The following SAMD4A variants were observed in gnomAD, a reference collection of about 807,000 sequenced individuals.
The protein encoded by SAMD4A is sterile alpha motif domain containing 4A, also known as protein Smaug homolog 1.
A neutral mutation model predicts 81.3 loss-of-function variants in SAMD4A; 33 were observed. The ratio of observed to expected loss-of-function variants is 0.41; its 90% CI spans 0.31 to 0.54. SAMD4A has a LOEUF of 0.54. Among genes scored for constraint, SAMD4A ranks in the 20% least tolerant of loss-of-function variants. SAMD4A has a pLI of 0.37. For missense variants in SAMD4A, 854 were observed against 951.1 expected (o/e 0.90, Z 1.34); for synonymous variants, 389 against 382.1 (o/e 1.02, Z -0.21).
intron 2 of SAMD4A, among the ~76,000 whole-genome samples, chr14:54,627,677 T>A (rs1187070507): frequency 6.6e-6 from 1 of 152,188 alleles, no homozygotes; most frequent in Non-Finnish European, 1.5e-5. Flanking sequence ...GTTTTTTACA[T>A]CCTTCCTTGC....
At chr14:54,604,769 A>G (rs2034154707) in intron 2 of SAMD4A, among the ~76,000 whole-genome samples, 1 of 152,222 alleles carries the variant, frequency 6.6e-6, no homozygotes, top group Non-Finnish European at 1.5e-5. Context: ...TCATACATAC[A>G]AAAGAGTATA....
intron 2 of SAMD4A, among the ~76,000 whole-genome samples, chr14:54,594,121 G>A (rs896446203): frequency 2.0e-5 from 3 of 152,026 alleles, no homozygotes; most frequent in Admixed American, 6.6e-5. Context: ...TTATAATAGA[G>A]GTAGATAACA....
intron 3 of SAMD4A, among the ~76,000 whole-genome samples, chr14:54,712,679 G>T (rs570770428): frequency 4.2e-4 from 64 of 152,274 alleles, no homozygotes; most frequent in African/African-American, 1.5e-3. Flanking sequence ...TGTAGTGGGC[G>T]AGAAGCCTGC....
intron 5 of SAMD4A, among the ~76,000 whole-genome samples, chr14:54,750,658 A>G (rs2038080330): frequency 6.6e-6 from 1 of 152,136 alleles, no homozygotes; most frequent in Non-Finnish European, 1.5e-5. Context: ...GTTTTATGAC[A>G]CTCCATGTGG....
intron 4 of SAMD4A, among the ~76,000 whole-genome samples, chr14:54,739,742 G>T (rs754703624): frequency 1.3e-5 from 2 of 152,192 alleles, no homozygotes; most frequent in African/African-American, 2.4e-5. Flanking sequence ...TCCGCCACCA[G>T]ATGTTATTCA....
intron 3 of SAMD4A, among the ~76,000 whole-genome samples, chr14:54,714,646 T>C: frequency 6.6e-6 from 1 of 152,094 alleles, no homozygotes. Flanking sequence ...TAAGTGAAGA[T>C]GAGTTAAGAG....
At chr14:54,578,946 C>T (rs2033387010) in intron 2 of SAMD4A, among the ~76,000 whole-genome samples, 1 of 152,060 alleles carries the variant, frequency 6.6e-6, no homozygotes, top group African/African-American at 2.4e-5. Flanking sequence ...TTTTGGGTCA[C>T]CCAAAAGCAG....
At chr14:54,591,747 A>T (rs889813288) in intron 2 of SAMD4A, among the ~76,000 whole-genome samples, 11 of 152,174 alleles carry the variant, frequency 7.2e-5, no homozygotes, top group African/African-American at 1.2e-4. Flanking sequence ...TTGTATCATT[A>T]TAAGTTCTTT....
chr14:54,641,520 A>T (rs1004124421), intron 2 of SAMD4A, among the ~76,000 whole-genome samples: 11 of 152,232 alleles, frequency 7.2e-5, no homozygotes, highest in African/African-American at 2.7e-4. Flanking sequence ...TCACTACATT[A>T]AAGTTTACAA....
chr14:54,723,786 A>G (rs1337092708), intron 3 of SAMD4A, among the ~76,000 whole-genome samples: 1 of 152,196 alleles, frequency 6.6e-6, no homozygotes, highest in Admixed American at 6.5e-5. Context: ...ATCCCTAGCG[A>G]CTAATACAGT....
rs1454505372 is a variant in SAMD4A at position 54,760,509 on chromosome 14, G to T, written c.1510+15G>T. The stretch of plus-strand genomic sequence containing the variant: ...CATGGGGAAAGGTAGAGCCTCATTC[G>T]CCCATTTCTTTTTTCTTCTGGATAC... On this transcript the variant is annotated intron_variant, in intron 7 of 12. Transcript: ENST00000554335. The T allele has an allele frequency of 1.4e-6, 2 of 1,383,306 alleles. No individual in the cohort carries two copies. The highest frequency in any genetic ancestry group is 1.8e-4 in the Middle Eastern group (1 of 5,406). 85.7% of individuals were successfully genotyped at this position (1,383,306 alleles called of 1,614,324 possible). A position where few individuals can be genotyped will look rare whatever the true frequency, so the allele number is the denominator to read the frequency against.
At chr14:54,748,716 C>T in intron 4 of SAMD4A, 99 bp from the exon 5 acceptor site, 2 of 772,380 alleles carry the variant, frequency 2.6e-6, no homozygotes, top group Admixed American at 2.5e-5. Flanking sequence ...TTTCCTTTGA[C>T]CATCACCCTC....
At chr14:54,694,654 C>G in intron 2 of SAMD4A, 1 of 985,426 alleles carries the variant, frequency 1.0e-6, no homozygotes, top group South Asian at 4.7e-5. Context: ...AGGCAGGTGG[C>G]TGGGGGAGCT....
intron 2 of SAMD4A, among the ~76,000 whole-genome samples, chr14:54,600,358 G>T (rs900038268): frequency 6.6e-6 from 1 of 152,132 alleles, no homozygotes; most frequent in Non-Finnish European, 1.5e-5. Context: ...CCAAGGTTTT[G>T]TTGTTGTTAC....
At chr14:54,613,264 A>G (rs182689985) in intron 2 of SAMD4A, among the ~76,000 whole-genome samples, 5 of 152,304 alleles carry the variant, frequency 3.3e-5, no homozygotes, top group African/African-American at 7.2e-5. Flanking sequence ...TCTGACAACA[A>G]TAGAAATGCA....
chr14:54,733,605 C>G (rs7150046), intron 3 of SAMD4A, among the ~76,000 whole-genome samples: 32,717 of 151,840 alleles, frequency 0.22, 4,029 homozygotes, highest in African/African-American at 0.34. Context: ...AATTTCTAAT[C>G]TAGGTTGAGA....
At chr14:54,771,002 C>CT (rs1157124243) in intron 9 of SAMD4A, among the ~76,000 whole-genome samples, 3 of 151,944 alleles carry the variant, frequency 2.0e-5, no homozygotes, top group Admixed American at 6.6e-5. Flanking sequence ...AATTTCTTCA[C>CT]TTGCACCTGA....
chr14:54,650,282 C>A (rs2035375247), intron 2 of SAMD4A, among the ~76,000 whole-genome samples: 1 of 152,242 alleles, frequency 6.6e-6, no homozygotes, highest in Admixed American at 6.5e-5. Flanking sequence ...TCTGAACCTG[C>A]ATGAGTAACC....
rs115469516 is a variant in SAMD4A at position 54,745,066 on chromosome 14, C to A, written c.980-3749C>A. 6.0e-3 allele frequency among the ~76,000 whole-genome samples: 914 copies of A among 152,326 alleles called. 10 individuals are homozygous for A. The highest frequency in any genetic ancestry group is 0.021 in the African/African-American group (872 of 41,590). ...TACTGTCAATTTCCATCCTTTCTTT[C>A]TCCCCTGCCACGCATCCCAAGCCAT... On this transcript the variant is annotated intron_variant, in intron 4 of 12. Transcript: ENST00000554335.
Sources: gnomAD v4.1 joint callset for allele counts (sites outside exome capture counted in the v4.1 genomes callset) on GRCh38, gnomAD v4.1.1 for gene constraint, MANE v1.5 for transcripts, NCBI Gene and HGNC (gene_info 2026-07-23, HGNC 2026-07-21) for gene names.